LAMA4: variants seen among roughly 807,000 people sequenced by gnomAD.
LAMA4 encodes the protein laminin subunit alpha-4.
Under a neutral mutation model 207.1 loss-of-function variants are expected in LAMA4, and 127 were observed. The ratio of observed to expected loss-of-function variants is 0.61; its 90% CI spans 0.53 to 0.71. The LOEUF is 0.71. Among genes scored for constraint, LAMA4 ranks in the 30% least tolerant of loss-of-function variants. The probability of loss-of-function intolerance (pLI) is 0.00; values close to 1 mark genes in which losing one functional copy is unlikely to be tolerated. For synonymous variants in LAMA4, 761 were observed against 816.0 expected (o/e 0.93, Z 1.15); for missense variants, 2,093 against 2,246.5 (o/e 0.93, Z 1.38).
chr6:112,180,557 G>A (rs1782295506), intron 9 of LAMA4, among the ~76,000 whole-genome samples: 1 of 152,174 alleles, frequency 6.6e-6, no homozygotes, highest in Non-Finnish European at 1.5e-5. Context: ...AAACTAGTTG[G>A]TGGTTTACAT....
intron 5 of LAMA4, chr6:112,196,643 A>C (rs2114984788): frequency 6.6e-6 from 1 of 152,278 alleles, no homozygotes; most frequent in Non-Finnish European, 1.5e-5. Flanking sequence ...TTTGCATCAG[A>C]AGACAACTTC....
intron 3 of LAMA4, among the ~76,000 whole-genome samples, chr6:112,216,037 C>T (rs973505529): frequency 2.0e-5 from 3 of 152,212 alleles, no homozygotes; most frequent in Non-Finnish European, 2.9e-5. Context: ...GCAAACTATA[C>T]GATTACAGAG....
At chr6:112,157,425 C>T (rs553984658) in intron 14 of LAMA4, among the ~76,000 whole-genome samples, 18 of 152,048 alleles carry the variant, frequency 1.2e-4, no homozygotes, top group African/African-American at 4.3e-4. Flanking sequence ...GAGCATAGCA[C>T]GTAAATCATT....
intron 2 of LAMA4, among the ~76,000 whole-genome samples, chr6:112,220,302 A>G (rs1212019144): frequency 6.6e-6 from 1 of 152,164 alleles, no homozygotes; most frequent in Non-Finnish European, 1.5e-5. Flanking sequence ...GACTGAATTA[A>G]TCCATACCAT....
chr6:112,185,317 C>A lies in LAMA4; in HGVS notation c.997G>T (p.Ala333Ser), dbSNP rs576711704. 7 of 1,612,564 alleles carry A rather than the reference C, an allele frequency of 4.3e-6. No homozygotes were observed. The South Asian group carries it at 4.4e-5, about 10-fold the overall frequency. The change falls in exon 9 of 39, where the codon GCC becomes TCC. Residue 333 changes from alanine (A) to serine (S), a missense_variant. Ala to Ser is a moderately conservative substitution (Grantham distance 99, BLOSUM62 1). Coordinates refer to ENST00000230538, the MANE Select transcript of LAMA4 (RefSeq NM_001105206.3). ...TTGTTGATTTGTATCTTTCTTAGGG[C>A]GTATTGGTTTTCTCTTTCTGACAAT... ...TKLSERENQY[A>S]LRKIQINNAE... is the part of the protein sequence containing the mutation.
intron 7 of LAMA4, 84 bp downstream of exon 7, chr6:112,189,026 T>G: frequency 2.0e-6 from 2 of 983,680 alleles, no homozygotes; most frequent in East Asian, 2.5e-5. Context: ...TTCTAGAGAG[T>G]GATATTGCAT....
chr6:112,253,957 T>A lies in LAMA4; in HGVS notation c.194A>T (p.Glu65Val), dbSNP rs1787662315. Residue 65 changes from glutamate to valine, a missense_variant and splice_region_variant, in exon 2 of 39, where the codon GAG (glutamate) becomes GTG (valine). By Grantham distance (121) the Glu-to-Val change is moderately radical. Transcript: ENST00000230538. ...GTGGCAATGGCAGGGACACTGTACCTCGGCCGCAGGCGGCAGGCGTCCCAG... is the reference window on the plus strand; with the variant it reads ...GTGGCAATGGCAGGGACACTGTACCACGGCCGCAGGCGGCAGGCGTCCCAG... ...VALGRLPPAA[E>V]KCNAGFFHTL... 1.9e-6 allele frequency: 3 copies of A among 1,597,230 alleles called. No individual in the cohort carries two copies. The African/African-American group carries it at 4.0e-5, about 21-fold the overall frequency.
At chr6:112,152,180 T>C (rs1554335912) in intron 16 of LAMA4, among the ~76,000 whole-genome samples, 1 of 152,072 alleles carries the variant, frequency 6.6e-6, no homozygotes, top group Non-Finnish European at 1.5e-5. Flanking sequence ...AGTTCCAGAG[T>C]GCTTTCTTGT....
At chr6:112,246,590 C>T (rs968652052) in intron 2 of LAMA4, among the ~76,000 whole-genome samples, 10 of 151,172 alleles carry the variant, frequency 6.6e-5, no homozygotes, top group South Asian at 6.3e-4. Flanking sequence ...GCACAATCTC[C>T]GCTCACTGCA....
intron 25 of LAMA4, 59 bp downstream of exon 25, chr6:112,136,064 T>A (rs1779320932): frequency 1.3e-6 from 2 of 1,508,288 alleles, no homozygotes; most frequent in Non-Finnish European, 1.8e-6. Flanking sequence ...CCTGATTAGA[T>A]CAACAGATCT....
chr6:112,237,131 G>T (rs1477854577), intron 2 of LAMA4, among the ~76,000 whole-genome samples: 3 of 152,132 alleles, frequency 2.0e-5, no homozygotes, highest in African/African-American at 7.2e-5. Flanking sequence ...GACAAAAGTG[G>T]AATTTCCTAA....
At chr6:112,160,254 G>A (rs782345492) in intron 13 of LAMA4, among the ~76,000 whole-genome samples, 8 of 151,846 alleles carry the variant, frequency 5.3e-5, no homozygotes, top group East Asian at 3.9e-4. Flanking sequence ...GCCCTTCCCC[G>A]CAAACTCTAT....
intron 3 of LAMA4, among the ~76,000 whole-genome samples, chr6:112,211,776 G>A (rs1464635679): frequency 6.6e-6 from 1 of 152,216 alleles, no homozygotes; most frequent in Non-Finnish European, 1.5e-5. Flanking sequence ...GAGAGTGAAA[G>A]AACAAAGTAT....
intron 9 of LAMA4, among the ~76,000 whole-genome samples, chr6:112,181,834 C>T (rs551590203): frequency 2.3e-4 from 35 of 152,148 alleles, no homozygotes; most frequent in Non-Finnish European, 4.1e-4. Flanking sequence ...CGCGGTGGCT[C>T]ACGCCTGTAA....
chr6:112,249,212 A>T (rs1331578544), intron 2 of LAMA4, among the ~76,000 whole-genome samples: 1 of 152,164 alleles, frequency 6.6e-6, no homozygotes, highest in Middle Eastern at 3.2e-3. Flanking sequence ...TGGGAGGCCG[A>T]GGCGGGTGGA....
intron 13 of LAMA4, among the ~76,000 whole-genome samples, chr6:112,159,859 T>G (rs1271973904): frequency 6.6e-6 from 1 of 152,138 alleles, no homozygotes; most frequent in East Asian, 1.9e-4. Context: ...CTCTATAGGC[T>G]CTGCTCAACT....
At chr6:112,214,048 C>T in intron 3 of LAMA4, 1 of 762,530 alleles carries the variant, frequency 1.3e-6, no homozygotes, top group Non-Finnish European at 2.4e-6. Context: ...AGCTGAAAAA[C>T]CTGGGTCTTC....
At chr6:112,211,238 G>C (rs1784341073) in intron 3 of LAMA4, among the ~76,000 whole-genome samples, 1 of 152,148 alleles carries the variant, frequency 6.6e-6, no homozygotes, top group Non-Finnish European at 1.5e-5. Context: ...CCTAATATTG[G>C]CAGCACTGTT....
At position 112,184,731 on chromosome 6, in the gene LAMA4, C is replaced by T. The variant is rs76539419; in HGVS notation, c.1077+506G>A. On this transcript the variant is annotated intron_variant, in intron 9 of 38. Transcript: ENST00000230538. ...TGAGATTTATACTCAACTCTTTAAACGGGCTAATTTATTTTAGTCTGTGGT... is the reference window on the plus strand; with the variant it reads ...TGAGATTTATACTCAACTCTTTAAATGGGCTAATTTATTTTAGTCTGTGGT... 4.3e-3 allele frequency among the ~76,000 whole-genome samples: 661 copies of T among 152,232 alleles called. 4 individuals carry two copies. The highest frequency in any genetic ancestry group is 0.015 in the African/African-American group (627 of 41,556).
Sources: allele counts gnomAD v4.1 joint callset (sites outside exome capture counted in the v4.1 genomes callset), GRCh38; gene constraint gnomAD v4.1.1; transcripts MANE v1.5; gene names NCBI Gene and HGNC (gene_info 2026-07-23, HGNC 2026-07-21).